PRKAR1B: variants seen among roughly 807,000 people sequenced by gnomAD.
PRKAR1B encodes cAMP-dependent protein kinase type I-beta regulatory subunit.
Under a neutral mutation model 46.5 loss-of-function variants are expected in PRKAR1B, and 22 were observed. The observed-to-expected ratio is 0.47, with a 90% CI of 0.34 to 0.68. The LOEUF (loss-of-function observed/expected upper bound fraction) is 0.68. Ranked by LOEUF, PRKAR1B falls within the 30% of genes least tolerant of loss-of-function variation. The pLI is 0.01. For missense variants in PRKAR1B, 445 were observed against 535.6 expected, an observed-to-expected ratio of 0.83 and a Z score of 1.67; for synonymous variants, 259 against 217.7, an observed-to-expected ratio of 1.19 and a Z score of -1.67.
chr7:705,359 T>C (rs1470059298), intron 2 of PRKAR1B, among the ~76,000 whole-genome samples: 2 of 143,884 alleles, frequency 1.4e-5, no homozygotes, highest in Non-Finnish European at 3.0e-5. Context: ...TGCCACCATA[T>C]ACCTATTAGA....
chr7:680,559 C>T lies in PRKAR1B; in HGVS notation c.345G>A (p.Arg115=), dbSNP rs939104999. 6 of 1,608,864 alleles carry T rather than the reference C, an allele frequency of 3.7e-6. No individual in the cohort carries two copies. Among genetic ancestry groups the T allele is most frequent in the Non-Finnish European group, 5.1e-6 (6 of 1,179,212 alleles). ...CCCCGTGACCCGTGAGCCTCACCTT[C>T]CTGACGTAGGACACGGCGTCCTCCT... ...YTEEDAVSYV[R]KVIPKDYKTM... Residue 115 remains arginine, a synonymous_variant, in exon 3 of 11, where the codon AGG becomes AGA. Coordinates refer to ENST00000537384, the MANE Select transcript of PRKAR1B (RefSeq NM_001164760.2).
chr7:568,972 TGAGG>T (rs200239827), intron 9 of PRKAR1B, among the ~76,000 whole-genome samples: 5,553 of 148,328 alleles, frequency 0.037, 114 homozygotes, highest in Middle Eastern at 0.064. Context: ...AGGGGAGGGT[TGAGG>T]GAGGGAGGAA....
At chr7:639,310 G>C (rs918159546) in intron 4 of PRKAR1B, among the ~76,000 whole-genome samples, 3 of 152,086 alleles carry the variant, frequency 2.0e-5, no homozygotes, top group Non-Finnish European at 2.9e-5. Flanking sequence ...TTCCAACCAG[G>C]GTGCCAAGGC....
intron 1 of PRKAR1B, among the ~76,000 whole-genome samples, chr7:722,127 G>A (rs1443867122): frequency 2.3e-5 from 3 of 132,896 alleles, no homozygotes; most frequent in Admixed American, 7.9e-5. Flanking sequence ...TTGAGATGGA[G>A]TCTTGCTCTG....
At chr7:653,197 T>C (rs978829131) in intron 4 of PRKAR1B, among the ~76,000 whole-genome samples, 1 of 152,118 alleles carries the variant, frequency 6.6e-6, no homozygotes, top group African/African-American at 2.4e-5. Context: ...ACTACACAAG[T>C]GGGGAGCCAG....
At chr7:635,113 T>C (rs1266784751) in intron 4 of PRKAR1B, among the ~76,000 whole-genome samples, 1 of 152,244 alleles carries the variant, frequency 6.6e-6, no homozygotes, top group African/African-American at 2.4e-5. Context: ...GTGTGAACTA[T>C]TTTCAAGGTA....
intron 2 of PRKAR1B, among the ~76,000 whole-genome samples, chr7:688,201 G>T (rs927344497): frequency 6.6e-6 from 1 of 151,458 alleles, no homozygotes; most frequent in Non-Finnish European, 1.5e-5. Context: ...AGGAGTTCGA[G>T]ACCAACCTGG....
chr7:711,552 C>T, intron 1 of PRKAR1B, 25 bp from the exon 2 acceptor site: 1 of 1,599,814 alleles, frequency 6.3e-7, no homozygotes, highest in South Asian at 1.1e-5. Context: ...CACAGATCCC[C>T]AGGCCTGAGA....
At chr7:576,252 C>T (rs990246123) in intron 9 of PRKAR1B, among the ~76,000 whole-genome samples, 26 of 152,200 alleles carry the variant, frequency 1.7e-4, no homozygotes, top group Non-Finnish European at 4.4e-5. Context: ...GGTGTGCACG[C>T]TGGAATCACG....
intron 4 of PRKAR1B, among the ~76,000 whole-genome samples, chr7:613,827 G>C (rs776264724): frequency 6.6e-6 from 1 of 152,230 alleles, no homozygotes; most frequent in South Asian, 2.1e-4. Flanking sequence ...GGACTTGCAC[G>C]GGAAAGCTCA....
At chr7:610,767 T>C (rs1401493117) in intron 4 of PRKAR1B, among the ~76,000 whole-genome samples, 1 of 152,250 alleles carries the variant, frequency 6.6e-6, no homozygotes, top group African/African-American at 2.4e-5. Flanking sequence ...CCCTGGCCTC[T>C]TCTGTCTGTA....
At chr7:713,702 G>A (rs1780773337) in intron 1 of PRKAR1B, among the ~76,000 whole-genome samples, 1 of 152,146 alleles carries the variant, frequency 6.6e-6, no homozygotes, top group African/African-American at 2.4e-5. Context: ...CAGCTTTCTT[G>A]TTCATTGCTC....
At chr7:653,815 C>T (rs569838101) in intron 4 of PRKAR1B, among the ~76,000 whole-genome samples, 1 of 152,272 alleles carries the variant, frequency 6.6e-6, no homozygotes, top group South Asian at 2.1e-4. Flanking sequence ...TAGTGCTCAT[C>T]ACCCTTATTA....
intron 1 of PRKAR1B, chr7:726,717 C>T (rs1781304731): frequency 1.6e-6 from 2 of 1,239,270 alleles, no homozygotes; most frequent in Admixed American, 8.4e-5. Context: ...GCGACGCGGG[C>T]AAGATGGCGG....
chr7:578,590 G>A (rs968055350), intron 9 of PRKAR1B, among the ~76,000 whole-genome samples: 3 of 152,132 alleles, frequency 2.0e-5, no homozygotes, highest in Non-Finnish European at 2.9e-5. Flanking sequence ...GCCGGGATGC[G>A]GACGCGGTGC....
chr7:633,771 C>T (rs1173169007), intron 4 of PRKAR1B, among the ~76,000 whole-genome samples: 5 of 151,978 alleles, frequency 3.3e-5, no homozygotes, highest in Admixed American at 6.6e-5. Flanking sequence ...TGGAAAAAGT[C>T]GGGGAGGGGA....
chr7:660,572 C>A (rs1332005496), intron 4 of PRKAR1B, among the ~76,000 whole-genome samples: 14 of 109,834 alleles, frequency 1.3e-4, no homozygotes, highest in South Asian at 4.3e-4. Context: ...ACTCTCCCCC[C>A]CATGGCACAG....
upstream of PRKAR1B, among the ~76,000 whole-genome samples, chr7:728,335 C>T (rs920162863): frequency 1.3e-5 from 2 of 152,174 alleles, no homozygotes; most frequent in Non-Finnish European, 2.9e-5. Context: ...CAGCTCAGGC[C>T]GTCCCAGTGA....
intron 4 of PRKAR1B, among the ~76,000 whole-genome samples, chr7:636,399 CG>C (rs1784095334): frequency 3.6e-5 from 3 of 84,210 alleles, no homozygotes; most frequent in Non-Finnish European, 7.9e-5. Context: ...CGCGCCCTCA[CG>C]TCCTCCACCG....
Sources: gnomAD v4.1 joint callset for allele counts (sites outside exome capture counted in the v4.1 genomes callset) on GRCh38, gnomAD v4.1.1 for gene constraint, MANE v1.5 for transcripts, NCBI Gene and HGNC (gene_info 2026-07-23, HGNC 2026-07-21) for gene names.